SHISA9: variants seen among roughly 807,000 people sequenced by gnomAD.
SHISA9 encodes shisa family member 9, also known as protein shisa-9.
In SHISA9, 13 loss-of-function variants were observed where a neutral mutation model predicts 38.0. That is an observed-to-expected ratio of 0.34 (90% confidence interval 0.22 to 0.54). SHISA9 has a LOEUF of 0.54. SHISA9 is among the 20% of genes least tolerant of loss of function. The pLI, the probability that SHISA9 is intolerant of heterozygous loss-of-function variation, is 0.91. For missense variants in SHISA9, 538 were observed against 575.8 expected (o/e 0.93, Z 0.67); for synonymous variants, 275 against 242.0 (o/e 1.14, Z -1.27).
chr16:13,400,226 A>G, the SHISA9 span, among the ~76,000 whole-genome samples: 1 of 152,196 alleles, frequency 6.6e-6, no homozygotes, highest in Non-Finnish European at 1.5e-5. Context: ...CGGTAGAACC[A>G]TTCTGAGGCA....
At chr16:13,175,857 G>T (rs995037866) in intron 2 of SHISA9, among the ~76,000 whole-genome samples, 1 of 152,058 alleles carries the variant, frequency 6.6e-6, no homozygotes, top group East Asian at 1.9e-4. Flanking sequence ...TCCTTAGAAC[G>T]TCACATGTGA....
intron 2 of SHISA9, among the ~76,000 whole-genome samples, chr16:12,993,320 G>A (rs984063479): frequency 6.6e-6 from 1 of 152,120 alleles, no homozygotes; most frequent in Admixed American, 6.5e-5. Context: ...GTTTCCTCTA[G>A]AGCCAGCAAC....
chr16:13,141,915 A>C (rs762325548), intron 2 of SHISA9, among the ~76,000 whole-genome samples: 10 of 152,342 alleles, frequency 6.6e-5, no homozygotes, highest in Admixed American at 4.6e-4. Flanking sequence ...TTATGTCTGT[A>C]ATAACTGGAC....
chr16:13,560,754 GAAA>G, the SHISA9 span, among the ~76,000 whole-genome samples: 2 of 133,176 alleles, frequency 1.5e-5, no homozygotes, highest in Admixed American at 7.5e-5. Context: ...ACTAAATTAG[GAAA>G]AAAAAAAAAA....
At chr16:12,972,414 C>T (rs576871993) in intron 2 of SHISA9, among the ~76,000 whole-genome samples, 1 of 152,200 alleles carries the variant, frequency 6.6e-6, no homozygotes, top group Admixed American at 6.5e-5. Flanking sequence ...TCACCCACAC[C>T]TCCGTATATC....
At chr16:13,049,166 G>C (rs865907030) in intron 2 of SHISA9, among the ~76,000 whole-genome samples, 4,754 of 29,340 alleles carry the variant, frequency 0.16, 84 homozygotes, top group Non-Finnish European at 0.2. Flanking sequence ...ATGTGTGTGT[G>C]TGTGTGTGTG....
chr16:13,146,715 C>T (rs2050450398), intron 2 of SHISA9, among the ~76,000 whole-genome samples: 1 of 152,154 alleles, frequency 6.6e-6, no homozygotes, highest in African/African-American at 2.4e-5. Context: ...TCCAAGACCG[C>T]ACATCTTAAC....
In SHISA9 at chr16:13,238,913, T is replaced by A. The variant is rs1464096884; in HGVS notation, c.*3504T>A. The A allele has an allele frequency of 6.6e-6, 1 of 150,460 alleles. No homozygotes were observed. The allele number at this position is 150,460 out of a possible 1,614,324, so 9.3% of individuals were successfully genotyped here. A position where few individuals can be genotyped will look rare whatever the true frequency, so the allele number is the denominator to read the frequency against. On this transcript the variant is annotated 3_prime_UTR_variant, in exon 5 of 5. Coordinates refer to ENST00000558583, the MANE Select transcript of SHISA9 (RefSeq NM_001145204.3). ...GGTTAGTTACATATGTATACACGTG[T>A]CATGCTGGTGTGCTGCACCCATTAA... is the stretch of plus-strand genomic sequence containing the variant.
intron 1 of SHISA9, among the ~76,000 whole-genome samples, chr16:12,914,278 T>G (rs2071225226): frequency 6.6e-6 from 1 of 152,062 alleles, no homozygotes; most frequent in South Asian, 2.1e-4. Context: ...ACTCCTGACC[T>G]CGTGATCTGC....
intron 2 of SHISA9, among the ~76,000 whole-genome samples, chr16:13,029,871 C>G (rs2072970378): frequency 6.6e-6 from 1 of 152,190 alleles, no homozygotes; most frequent in South Asian, 2.1e-4. Flanking sequence ...GGCTGGGAGC[C>G]AGAGGCCTAG....
chr16:13,470,700 A>T, the SHISA9 span, among the ~76,000 whole-genome samples: 2 of 152,202 alleles, frequency 1.3e-5, no homozygotes, highest in Non-Finnish European at 2.9e-5. Context: ...GCCAAACCAT[A>T]TCAAAGAATC....
intron 2 of SHISA9, among the ~76,000 whole-genome samples, chr16:13,188,860 G>T (rs2050855470): frequency 7.1e-6 from 1 of 140,350 alleles, no homozygotes; most frequent in South Asian, 2.2e-4. Flanking sequence ...CCCCCAGAAT[G>T]TGACTTAACT....
chr16:13,378,156 G>C, the SHISA9 span, among the ~76,000 whole-genome samples: 1 of 152,216 alleles, frequency 6.6e-6, no homozygotes, highest in Non-Finnish European at 1.5e-5. Context: ...CTTAGGGATA[G>C]AACTCAAACT....
intron 2 of SHISA9, among the ~76,000 whole-genome samples, chr16:12,976,137 G>C (rs2072158834): frequency 1.3e-5 from 2 of 152,162 alleles, no homozygotes; most frequent in African/African-American, 4.8e-5. Context: ...ACCCAGGCTG[G>C]AGTGCAGTGG....
chr16:13,007,859 A>G (rs1158846226), intron 2 of SHISA9, among the ~76,000 whole-genome samples: 1 of 152,118 alleles, frequency 6.6e-6, no homozygotes, highest in Non-Finnish European at 1.5e-5. Flanking sequence ...ACTTGTTTAC[A>G]TTCCTTCCTT....
rs192527262 is a variant in SHISA9, at chr16:13,115,914, A to G, written c.692-87480A>G. Among the ~76,000 whole-genome samples, 14 of 152,276 alleles carry G rather than the reference A, an allele frequency of 9.2e-5. No individual in the cohort carries two copies. In the East Asian group the frequency reaches 1.5e-3, roughly 17 times the overall value. ...GAAATACCTTCCCTTCTGATGACCT[A>G]TAATCCTCCTTCATCTCTGCTTGTG... On this transcript the variant is annotated intron_variant, in intron 2 of 4. Coordinates refer to ENST00000558583, the MANE Select transcript of SHISA9 (RefSeq NM_001145204.3).
At chr16:13,536,641 G>A in the SHISA9 span, among the ~76,000 whole-genome samples, 1 of 152,222 alleles carries the variant, frequency 6.6e-6, no homozygotes, top group Non-Finnish European at 1.5e-5. Context: ...GGAAGGGGAA[G>A]AAGGTGTTTC....
chr16:13,531,998 C>G, the SHISA9 span, among the ~76,000 whole-genome samples: 2 of 152,188 alleles, frequency 1.3e-5, no homozygotes, highest in Non-Finnish European at 2.9e-5. Flanking sequence ...CCAACCAAAT[C>G]GGCAGTTAAC....
chr16:12,921,586 A>T (rs1025280970), intron 2 of SHISA9, among the ~76,000 whole-genome samples: 1 of 152,042 alleles, frequency 6.6e-6, no homozygotes, highest in Non-Finnish European at 1.5e-5. Flanking sequence ...ATAAGATGAG[A>T]CCCTGTCTCT....
Sources: gnomAD v4.1 joint callset for allele counts (sites outside exome capture counted in the v4.1 genomes callset) on GRCh38, gnomAD v4.1.1 for gene constraint, MANE v1.5 for transcripts, NCBI Gene and HGNC (gene_info 2026-07-23, HGNC 2026-07-21) for gene names.